Variants in PDGFRA observed in about 807,000 individuals in gnomAD.
The protein encoded by PDGFRA is platelet derived growth factor receptor alpha, also known as platelet-derived growth factor receptor alpha.
PDGFRA carries 25 observed loss-of-function variants against 121.5 expected under a neutral mutation model. That is an observed-to-expected ratio of 0.21 (90% CI 0.15 to 0.29). PDGFRA has a LOEUF of 0.29. PDGFRA is among the 10% of genes least tolerant of loss of function. The pLI is 1.00. For missense variants in PDGFRA, 1,008 were observed against 1,345.1 expected (o/e 0.75, Z 3.92); for synonymous variants, 463 against 494.8 (o/e 0.94, Z 0.85).
chr4:54,290,639 G>A (rs1246485157), intron 22 of PDGFRA, 85 bp downstream of exon 22: 1 of 1,473,542 alleles, frequency 6.8e-7, no homozygotes, highest in Non-Finnish European at 9.5e-7. Flanking sequence ...CGATAATGGT[G>A]CACTCCCGGT....
chr4:54,261,931 ATTTTT>A (rs34880395), intron 3 of PDGFRA, among the ~76,000 whole-genome samples: 1 of 58,424 alleles, frequency 1.7e-5, no homozygotes, highest in African/African-American at 6.7e-5. Flanking sequence ...ATATATATAT[ATTTTT>A]TTTTTTTTTG....
intron 8 of PDGFRA, among the ~76,000 whole-genome samples, chr4:54,271,053 T>G (rs1723325070): frequency 6.6e-6 from 1 of 152,174 alleles, no homozygotes; most frequent in Non-Finnish European, 1.5e-5. Flanking sequence ...TCTTCCCACC[T>G]TGGCCTCTCA....
intron 1 of PDGFRA, among the ~76,000 whole-genome samples, chr4:54,252,534 G>A (rs73151412): frequency 0.046 from 6,929 of 152,216 alleles, 529 homozygotes; most frequent in African/African-American, 0.16. Flanking sequence ...ATCAGTGTAA[G>A]CCTGCACTTG....
At chr4:54,283,800 A>G (rs1457616723) in intron 16 of PDGFRA, among the ~76,000 whole-genome samples, 1 of 152,224 alleles carries the variant, frequency 6.6e-6, no homozygotes, top group Non-Finnish European at 1.5e-5. Flanking sequence ...ATGGGGTCTC[A>G]CTATGTTGTC....
chr4:54,253,652 T>C (rs1471289303), intron 1 of PDGFRA, among the ~76,000 whole-genome samples: 3 of 152,194 alleles, frequency 2.0e-5, no homozygotes, highest in Non-Finnish European at 2.9e-5. Context: ...TCCATTGTTC[T>C]TTTCTGTAAA....
intron 15 of PDGFRA, 113 bp from the exon 16 acceptor site, chr4:54,280,203 C>CA: frequency 3.9e-6 from 3 of 775,538 alleles, no homozygotes; most frequent in Non-Finnish European, 6.8e-6. Context: ...TGCTTTTACC[C>CA]AGTTAGCTCC....
Position 54,289,129 on chromosome 4 carries a change from G to A in PDGFRA, c.2880+15G>A, listed in dbSNP as rs774433712. On this transcript the variant is annotated intron_variant, in intron 21 of 22. Transcript: ENST00000257290. ...AATATAAAAAGGTGTGTTTGGATCT[G>A]TGGGTGGAAAGGTCTGGATAAAGCT... 1.4e-6 allele frequency: 2 copies of A among 1,425,058 alleles called. No individual in the cohort carries two copies. Among genetic ancestry groups the A allele is most frequent in the East Asian group, 2.3e-5 (1 of 43,992 alleles). 88.3% of individuals were successfully genotyped at this position (1,425,058 alleles called of 1,614,324 possible). A position where few individuals can be genotyped will look rare whatever the true frequency, so the allele number is the denominator to read the frequency against.
chr4:54,263,959 A>G (rs1362149523), intron 4 of PDGFRA, 32 bp downstream of exon 4: 6 of 1,604,562 alleles, frequency 3.7e-6, no homozygotes, highest in Non-Finnish European at 5.1e-6. Context: ...TTCTTTAAAT[A>G]AGAGTAACAG....
At position 54,278,242 on chromosome 4, in the gene PDGFRA, AAAAAAAAAAAAC is replaced by A. The variant is rs1217018917; in HGVS notation, c.2003-119_2003-108del. The stretch of plus-strand genomic sequence containing the variant: ...CTTTATTAAAAAAAAAAAAAAAAAA[AAAAAAAAAAAAC>A]TTTTTTGGTATCTTATTTTTTTCTG... On this transcript the variant is annotated intron_variant, in intron 14 of 22. Transcript: ENST00000257290. 1,324 of 658,878 alleles carry A rather than the reference AAAAAAAAAAAAC, an allele frequency of 2.0e-3. 15 individuals carry two copies. Among genetic ancestry groups the A allele is most frequent in the Non-Finnish European group, 2.4e-3 (910 of 385,982 alleles). The allele number at this position is 658,878 out of a possible 1,614,324, so 40.8% of individuals were successfully genotyped here. A position where few individuals can be genotyped will look rare whatever the true frequency, so the allele number is the denominator to read the frequency against.
chr4:54,281,933 T>C (rs1724101190), intron 16 of PDGFRA: 28 of 1,122,432 alleles, frequency 2.5e-5, no homozygotes, highest in Non-Finnish European at 3.0e-5. Flanking sequence ...AGCAAAGTAC[T>C]ACAAAGGTGG....
intron 12 of PDGFRA, chr4:54,277,065 C>T: frequency 2.5e-6 from 1 of 403,400 alleles, no homozygotes; most frequent in South Asian, 2.6e-5. Flanking sequence ...TGGGTGAGAG[C>T]CCCGAAGGCA....
chr4:54,230,707 A>T (rs1236555636), intron 1 of PDGFRA: 1 of 152,258 alleles, frequency 6.6e-6, no homozygotes, highest in African/African-American at 2.4e-5. Flanking sequence ...GGTGCGTGGC[A>T]CTTGCCGTCT....
intron 1 of PDGFRA, among the ~76,000 whole-genome samples, chr4:54,243,872 C>T (rs1230753444): frequency 6.6e-6 from 1 of 152,182 alleles, no homozygotes; most frequent in Non-Finnish European, 1.5e-5. Context: ...CAATACTGCG[C>T]TTTTCCGACG....
chr4:54,245,112 G>A (rs1195091397), intron 1 of PDGFRA, among the ~76,000 whole-genome samples: 3 of 152,218 alleles, frequency 2.0e-5, no homozygotes, highest in Admixed American at 6.5e-5. Context: ...TGAAAGTGAC[G>A]GGGAGAATGG....
At chr4:54,246,814 T>C (rs867167872) in intron 1 of PDGFRA, among the ~76,000 whole-genome samples, 5,519 of 150,456 alleles carry the variant, frequency 0.037, 315 homozygotes, top group African/African-American at 0.13. Flanking sequence ...ATTGATAGAC[T>C]GCTAGCAAGA....
chr4:54,258,932 A>G, intron 2 of PDGFRA, 115 bp downstream of exon 2: 1 of 878,314 alleles, frequency 1.1e-6, no homozygotes. Flanking sequence ...GAGTGAAAAG[A>G]AATAGAAAAC....
At chr4:54,233,019 GC>G (rs1720775778) in intron 1 of PDGFRA, among the ~76,000 whole-genome samples, 1 of 151,168 alleles carries the variant, frequency 6.6e-6, no homozygotes, top group Non-Finnish European at 1.5e-5. Context: ...AAACCCCTCG[GC>G]CCCTTTCCCC....
intron 1 of PDGFRA, among the ~76,000 whole-genome samples, chr4:54,235,996 C>CA (rs1720987373): frequency 6.6e-6 from 1 of 152,110 alleles, no homozygotes; most frequent in African/African-American, 2.4e-5. Context: ...ATAAGAAGGC[C>CA]AAGAGGATGG....
intron 1 of PDGFRA, among the ~76,000 whole-genome samples, chr4:54,252,079 A>G: frequency 6.6e-6 from 1 of 152,198 alleles, no homozygotes. Flanking sequence ...TTTCTTCTGC[A>G]ATTTAGGCAG....
Sources: gnomAD v4.1 joint callset for allele counts (sites outside exome capture counted in the v4.1 genomes callset) on GRCh38, gnomAD v4.1.1 for gene constraint, MANE v1.5 for transcripts, NCBI Gene and HGNC (gene_info 2026-07-23, HGNC 2026-07-21) for gene names.